The following KIF3A variants were observed in gnomAD, a reference collection of about 807,000 sequenced individuals.
KIF3A encodes the protein kinesin family member 3A.
A neutral mutation model predicts 92.6 loss-of-function variants in KIF3A; 27 were observed. The observed-to-expected ratio is 0.29, with a 90% confidence interval of 0.21 to 0.40. KIF3A has a LOEUF of 0.40. Among genes scored for constraint, KIF3A ranks in the 10% least tolerant of loss-of-function variants. The probability of loss-of-function intolerance (pLI) is 1.00; values close to 1 mark genes in which losing one functional copy is unlikely to be tolerated. For synonymous variants in KIF3A, 250 were observed against 275.4 expected (o/e 0.91, Z 0.92); for missense variants, 581 against 872.6 (o/e 0.67, Z 4.21).
Position 132,734,346 on chromosome 5 carries a change from T to C in KIF3A, c.139A>G (p.Thr47Ala). Residue 47 changes from threonine (T) to alanine (A), a missense_variant, in exon 2 of 19, where the codon ACT becomes GCT. Around this residue, in one of 5 missense-constraint regions of KIF3A, gnomAD observed 217 missense variants for 299.7 expected, o/e 0.72. Coordinates refer to ENST00000403231, the MANE Select transcript of KIF3A (RefSeq NM_001300791.2). ...TTGGAAGAATCAGTCTTATGTACAG[T>C]GATAGTTCCCCTCATCTCATCCACA... is the stretch of plus-strand genomic sequence containing the variant. ...VSVDEMRGTITVHKTDSSNEP... is the reference protein window; with the variant it reads ...VSVDEMRGTIAVHKTDSSNEP... The C allele has an allele frequency of 6.2e-7, 1 of 1,614,168 alleles. No individual in the cohort carries two copies.
At chr5:132,724,867 T>A (rs1753985952) in intron 4 of KIF3A, among the ~76,000 whole-genome samples, 1 of 111,178 alleles carries the variant, frequency 9.0e-6, no homozygotes, top group Non-Finnish European at 1.7e-5. Flanking sequence ...TAAAAAATCA[T>A]TCTAAGAAAG....
At chr5:132,726,602 G>A in intron 2 of KIF3A, 104 bp from the exon 3 acceptor site, 1 of 1,017,068 alleles carries the variant, frequency 9.8e-7, no homozygotes, top group Non-Finnish European at 1.5e-6. Context: ...TTCTCCCCTG[G>A]ATTCAAAATT....
In KIF3A at chr5:132,693,020, A is replaced by C. The variant is rs1453039064; in HGVS notation, c.*3614T>G. The C allele has an allele frequency of 2.0e-5, 3 of 152,628 alleles. No individual in the cohort carries two copies. Among genetic ancestry groups the C allele is most frequent in the Non-Finnish European group, 4.4e-5 (3 of 68,038 alleles). The allele number at this position is 152,628 out of a possible 1,614,324, so 9.5% of individuals were successfully genotyped here. A position where few individuals can be genotyped will look rare whatever the true frequency, so the allele number is the denominator to read the frequency against. On this transcript the variant is annotated 3_prime_UTR_variant, in exon 19 of 19. Transcript: ENST00000403231. ...CCTGTAGGAAAGAAGACTTTCCTTA[A>C]GAGTTAAGGGGAAGGATATTAAAAA...
chr5:132,704,180 T>A, intron 11 of KIF3A, among the ~76,000 whole-genome samples: 1 of 152,066 alleles, frequency 6.6e-6, no homozygotes, highest in Middle Eastern at 3.4e-3. Context: ...TTTAATAACA[T>A]TAAAGTATTT....
chr5:132,708,838 G>T, intron 10 of KIF3A, 69 bp downstream of exon 10: 2 of 1,024,788 alleles, frequency 2.0e-6, no homozygotes, highest in Non-Finnish European at 3.0e-6. Context: ...GTGCAGCATT[G>T]CTCAAATGAA....
chr5:132,726,342 A>G lies in KIF3A; in HGVS notation c.425+12T>C, dbSNP rs2149916931. On this transcript the variant is annotated intron_variant, in intron 3 of 18. Transcript: ENST00000403231. Reference sequence around the variant, plus strand: ...CTTCTCAATATCAGAAAATAAAAGAATTCCCTTTTACCTTGTATCACCCTC... The same window carrying G: ...CTTCTCAATATCAGAAAATAAAAGAGTTCCCTTTTACCTTGTATCACCCTC... 1 of 1,611,716 alleles carries G rather than the reference A, an allele frequency of 6.2e-7. No individual in the cohort carries two copies. Among genetic ancestry groups the G allele is most frequent in the Non-Finnish European group, 8.5e-7 (1 of 1,178,258 alleles).
At position 132,700,937 on chromosome 5, in the gene KIF3A, T is replaced by C. The variant is rs548050939; in HGVS notation, c.1885-237A>G. On this transcript the variant is annotated intron_variant, in intron 15 of 18. Coordinates refer to ENST00000403231, the MANE Select transcript of KIF3A (RefSeq NM_001300791.2). The stretch of plus-strand genomic sequence containing the variant: ...AGAAACTTGGGAATCAAGATAATGA[T>C]TACCTTGGGTTGGAAGAGGCAAAGG... 4.9e-4 allele frequency among the ~76,000 whole-genome samples: 75 copies of C among 152,246 alleles called. 1 individual carries two copies. The highest frequency in any genetic ancestry group is 6.8e-3 in the Middle Eastern group (2 of 294).
chr5:132,709,311 C>T (rs1037565402), intron 9 of KIF3A, among the ~76,000 whole-genome samples: 1 of 152,074 alleles, frequency 6.6e-6, no homozygotes, highest in Non-Finnish European at 1.5e-5. Flanking sequence ...AGATTTTAGT[C>T]TACTGAAACT....
rs1752741899 is a variant in KIF3A at position 132,693,763 on chromosome 5, CAA to C, written c.*2869_*2870del. 1 of 152,004 alleles carries C rather than the reference CAA, an allele frequency of 6.6e-6. No homozygotes were observed. The highest frequency in any genetic ancestry group is 1.5e-5 in the Non-Finnish European group (1 of 68,002). The allele number at this position is 152,004 out of a possible 1,614,324, so 9.4% of individuals were successfully genotyped here. ...TTGGGAGGCTGAGGCGGGCGGATCA[CAA>C]AGTCAGGTGAGACCAGCCTGGCCAA... On this transcript the variant is annotated 3_prime_UTR_variant, in exon 19 of 19. Coordinates refer to ENST00000403231, the MANE Select transcript of KIF3A (RefSeq NM_001300791.2).
intron 5 of KIF3A, among the ~76,000 whole-genome samples, chr5:132,717,675 C>G (rs1351983314): frequency 6.6e-6 from 1 of 151,500 alleles, no homozygotes; most frequent in Non-Finnish European, 1.5e-5. Context: ...AAAGTATTTG[C>G]ATATGTGTAA....
At chr5:132,734,554 A>T (rs1754332179) in intron 1 of KIF3A, 76 bp from the exon 2 acceptor site, 3 of 1,356,588 alleles carry the variant, frequency 2.2e-6, no homozygotes, top group Admixed American at 5.2e-5. Flanking sequence ...TATAAACTTT[A>T]AAAGGCTACT....
intron 15 of KIF3A, 149 bp from the exon 16 acceptor site, chr5:132,700,849 A>T (rs541758053): frequency 1.2e-4 from 61 of 521,794 alleles, no homozygotes; most frequent in African/African-American, 1.1e-3. Context: ...TCTAAAATAC[A>T]TATTTCTTAG....
rs187577771 is a variant in KIF3A at position 132,715,605 on chromosome 5, G to A, written c.1129+152C>T. ...GCTTAATATGAAAATGCGAAAGTAT[G>A]TAAGTACCAAGTCACTTTCTAGAAA... is the stretch of plus-strand genomic sequence containing the variant. On this transcript the variant is annotated intron_variant, in intron 8 of 18. Coordinates refer to ENST00000403231, the MANE Select transcript of KIF3A (RefSeq NM_001300791.2). The A allele has an allele frequency of 1.0e-3, 587 of 580,406 alleles. 1 individual carries two copies. The highest frequency in any genetic ancestry group is 5.5e-3 in the African/African-American group (284 of 51,590). 36.0% of individuals were successfully genotyped at this position (580,406 alleles called of 1,614,324 possible).
chr5:132,703,230 T>C (rs192481112), intron 12 of KIF3A, among the ~76,000 whole-genome samples, 165 bp from the exon 13 acceptor site: 1 of 152,304 alleles, frequency 6.6e-6, no homozygotes, highest in East Asian at 1.9e-4. Context: ...TCTAACTTAA[T>C]TTATAACTCA....
Position 132,715,882 on chromosome 5 carries a change from G to A in KIF3A, c.1004C>T (p.Thr335Ile), listed in dbSNP as rs746288914. 1.2e-6 allele frequency: 2 copies of A among 1,604,560 alleles called. No individual in the cohort carries two copies. The highest frequency in any genetic ancestry group is 1.7e-6 in the Non-Finnish European group (2 of 1,175,032). The change falls in exon 8 of 19, where the codon ACA becomes ATA. Residue 335 changes from threonine to isoleucine, a missense_variant. By Grantham distance (89) the Thr-to-Ile change is moderately conservative (BLOSUM62 -1). Coordinates refer to ENST00000403231, the MANE Select transcript of KIF3A (RefSeq NM_001300791.2). ...CTTAGCACGATTGGCATACCGTAAT[G>A]TACTGATAGTTTCATCATAATTGTA... Reference protein sequence around the residue: ...ADYNYDETISTLRYANRAKNI... With the variant: ...ADYNYDETISILRYANRAKNI...
In KIF3A at chr5:132,737,523, A is replaced by G. The variant is rs987385473; in HGVS notation, c.-104T>C. ...CAGAGACTACCGAAACACCTCGTTG[A>G]CGCTCTCGAGACTGCGGCTTCTCGG... On this transcript the variant is annotated 5_prime_UTR_variant, in exon 1 of 19. Coordinates refer to ENST00000403231, the MANE Select transcript of KIF3A (RefSeq NM_001300791.2). The G allele has an allele frequency of 3.6e-6, 5 of 1,370,790 alleles. No individual in the cohort carries two copies. The African/African-American group carries it at 7.4e-5, about 20-fold the overall frequency. 84.9% of individuals were successfully genotyped at this position (1,370,790 alleles called of 1,614,324 possible).
In KIF3A at chr5:132,702,084, T is replaced by C. The variant is rs1753056453; in HGVS notation, c.1884+3A>G. The C allele has an allele frequency of 1.9e-6, 3 of 1,606,850 alleles. No individual in the cohort carries two copies. In the African/African-American group the frequency reaches 4.0e-5, roughly 21 times the overall value. On this transcript the variant is annotated splice_donor_region_variant and intron_variant, in intron 15 of 18. Coordinates refer to ENST00000403231, the MANE Select transcript of KIF3A (RefSeq NM_001300791.2). ...TATCTCGGTCAGAGAACTTCCTTTT[T>C]ACCTGATAATCCCGAGGTATAAAGT...
At chr5:132,716,025 C>T (rs896743745) in intron 7 of KIF3A, 94 bp from the exon 8 acceptor site, 1 of 985,426 alleles carries the variant, frequency 1.0e-6, no homozygotes, top group African/African-American at 1.6e-5. Context: ...ATTTAAAGCA[C>T]ATATGCACCC....
intron 8 of KIF3A, among the ~76,000 whole-genome samples, chr5:132,711,655 T>A (rs1753430414): frequency 6.6e-6 from 1 of 152,052 alleles, no homozygotes; most frequent in African/African-American, 2.4e-5. Context: ...ATATAAATTA[T>A]GTGGTAGAGT....
Sources: gnomAD v4.1 joint callset for allele counts (sites outside exome capture counted in the v4.1 genomes callset) on GRCh38, gnomAD v4.1.1 for gene constraint, gnomAD v4.1.1 regional missense constraint, MANE v1.5 for transcripts, NCBI Gene and HGNC (gene_info 2026-07-23, HGNC 2026-07-21) for gene names.